Variants in GRHL1 observed in about 807,000 individuals in gnomAD.
GRHL1 encodes the protein grainyhead-like protein 1 homolog.
GRHL1 carries 38 observed loss-of-function variants against 75.7 expected under a neutral mutation model. The ratio of observed to expected loss-of-function variants is 0.50; its 90% CI spans 0.39 to 0.66. GRHL1 has a LOEUF of 0.66. Among genes scored for constraint, GRHL1 ranks in the 30% least tolerant of loss-of-function variants. The pLI, the probability that GRHL1 is intolerant of heterozygous loss-of-function variation, is 0.00. For synonymous variants in GRHL1, 266 were observed against 279.4 expected, an observed-to-expected ratio of 0.95 and a Z score of 0.48; for missense variants, 589 against 767.5, an observed-to-expected ratio of 0.77 and a Z score of 2.75.
At chr2:9,986,348 C>T (rs1668416962) in intron 9 of GRHL1, 66 bp downstream of exon 9, 8 of 1,095,148 alleles carry the variant, frequency 7.3e-6, no homozygotes, top group African/African-American at 1.6e-5. Flanking sequence ...ACCAGGGTCT[C>T]TTTAATATTT....
In GRHL1 at chr2:9,951,766, C is replaced by T. The variant is rs868784115; in HGVS notation, c.-68C>T. On this transcript the variant is annotated 5_prime_UTR_variant, in exon 1 of 16. Coordinates refer to ENST00000324907, the MANE Select transcript of GRHL1 (RefSeq NM_198182.3). The surrounding 1 kb of genome is among the most constrained non-coding windows in gnomAD (Gnocchi z 4.2). ...GCAGCCGCCGCCGCCGCCTCCTCCC[C>T]CCGGATCGGGTGTACTGTCCCAACC... 4.8e-6 allele frequency: 7 copies of T among 1,447,770 alleles called. No homozygotes were observed. In the South Asian group the frequency reaches 7.5e-5, roughly 16 times the overall value. 89.7% of individuals were successfully genotyped at this position (1,447,770 alleles called of 1,614,324 possible).
At chr2:9,980,517 TA>T (rs1668152989) in intron 8 of GRHL1, among the ~76,000 whole-genome samples, 1 of 152,216 alleles carries the variant, frequency 6.6e-6, no homozygotes, top group Non-Finnish European at 1.5e-5. Flanking sequence ...GCTAGACATT[TA>T]AAAAGGAATC....
chr2:9,975,068 T>C (rs1217851399), intron 8 of GRHL1, among the ~76,000 whole-genome samples: 1 of 152,124 alleles, frequency 6.6e-6, no homozygotes, highest in Non-Finnish European at 1.5e-5. Flanking sequence ...CTGTTGTGAA[T>C]GTAAGTGGAA....
At chr2:9,986,091 T>C in intron 8 of GRHL1, 33 bp from the exon 9 acceptor site, 1 of 1,564,324 alleles carries the variant, frequency 6.4e-7, no homozygotes, top group Non-Finnish European at 8.7e-7. Flanking sequence ...ACTTGGTGCC[T>C]GTTGCTTATG....
intron 8 of GRHL1, among the ~76,000 whole-genome samples, chr2:9,974,037 A>G (rs1667843148): frequency 6.6e-6 from 1 of 152,176 alleles, no homozygotes; most frequent in African/African-American, 2.4e-5. Flanking sequence ...CTTTTCTCTA[A>G]GTTCATCTAC....
rs372422335 is a variant in GRHL1 at position 9,978,922 on chromosome 2, C to T, written c.1111-7202C>T. On this transcript the variant is annotated intron_variant, in intron 8 of 15. Transcript: ENST00000324907. ...AGGAGAATCACTTCAACCCGGGAGG[C>T]GGAGGTTTCAGTGAGCTGAGATCGC... Among the ~76,000 whole-genome samples, 47 of 151,712 alleles carry T rather than the reference C, an allele frequency of 3.1e-4. No homozygotes were observed. In the South Asian group the frequency reaches 7.7e-3, roughly 25 times the overall value.
intron 5 of GRHL1, 61 bp from the exon 6 acceptor site, chr2:9,963,822 TATG>T: frequency 9.2e-7 from 1 of 1,081,366 alleles, no homozygotes; most frequent in Non-Finnish European, 1.3e-6. Flanking sequence ...CTATTTATAA[TATG>T]ATGTATAGCA....
At chr2:9,954,511 G>C (rs944673495) in intron 1 of GRHL1, among the ~76,000 whole-genome samples, 1 of 152,146 alleles carries the variant, frequency 6.6e-6, no homozygotes. Flanking sequence ...TGTGATGAAC[G>C]GCACACGCTC....
At chr2:9,967,981 T>A (rs139673461) in intron 8 of GRHL1, among the ~76,000 whole-genome samples, 206 of 152,218 alleles carry the variant, frequency 1.4e-3, no homozygotes, top group Non-Finnish European at 2.6e-3. Context: ...AACATAAGGG[T>A]TTATTGGAGC....
Position 9,992,577 on chromosome 2 carries a change from G to A in GRHL1, c.1461+431G>A, listed in dbSNP as rs1668688973. On this transcript the variant is annotated intron_variant, in intron 11 of 15. Coordinates refer to ENST00000324907, the MANE Select transcript of GRHL1 (RefSeq NM_198182.3). The surrounding 1 kb of genome is among the most constrained non-coding windows in gnomAD (Gnocchi z 4.6). The stretch of plus-strand genomic sequence containing the variant: ...AGTTACTGAGCCGTCCTTGCCACGT[G>A]TAGTTACCAATGGCCATGTCTTGGC... Among the ~76,000 whole-genome samples the A allele has an allele frequency of 2.0e-5, 3 of 152,174 alleles. No individual in the cohort carries two copies. Among genetic ancestry groups the A allele is most frequent in the Admixed American group, 6.5e-5 (1 of 15,274 alleles).
chr2:9,974,791 C>T (rs138637995), intron 8 of GRHL1, among the ~76,000 whole-genome samples: 47 of 152,296 alleles, frequency 3.1e-4, no homozygotes, highest in African/African-American at 1.1e-3. Flanking sequence ...ATTCATTGAG[C>T]GAATTGTTCG....
intron 8 of GRHL1, among the ~76,000 whole-genome samples, chr2:9,977,172 G>A (rs1488481044): frequency 6.6e-6 from 1 of 152,182 alleles, no homozygotes; most frequent in East Asian, 1.9e-4. Context: ...TGGGGGCACT[G>A]TTATGTATTT....
intron 8 of GRHL1, among the ~76,000 whole-genome samples, chr2:9,979,649 G>GA (rs148681588): frequency 2.0e-5 from 3 of 150,868 alleles, no homozygotes; most frequent in African/African-American, 4.9e-5. Flanking sequence ...TTTCTCAGTG[G>GA]AAAAAAAAAT....
intron 2 of GRHL1, among the ~76,000 whole-genome samples, chr2:9,957,406 A>T (rs1236203221): frequency 1.4e-5 from 2 of 147,016 alleles, no homozygotes; most frequent in African/African-American, 2.6e-5. Context: ...TTAATACATG[A>T]AGCAGTATTT....
intron 14 of GRHL1, among the ~76,000 whole-genome samples, chr2:9,997,429 C>T (rs958334106): frequency 1.3e-5 from 2 of 152,172 alleles, no homozygotes; most frequent in African/African-American, 4.8e-5. Flanking sequence ...CTGCCCACAG[C>T]ACAGGCAGCG....
At chr2:9,956,921 A>G (rs1667052543) in intron 2 of GRHL1, among the ~76,000 whole-genome samples, 1 of 152,130 alleles carries the variant, frequency 6.6e-6, no homozygotes, top group African/African-American at 2.4e-5. Context: ...ATGTCTGTCC[A>G]TGAAGGGTGA....
rs759613101 is a variant in GRHL1 at position 10,000,578 on chromosome 2, TC to T, written c.1743-7del. The stretch of plus-strand genomic sequence containing the variant: ...GTGGCAGTGAAGTTGGTTGGTCTTG[TC>T]CCCCCCCATCCAGGATCCTGGTGAA... On this transcript the variant is annotated splice_polypyrimidine_tract_variant and intron_variant, in intron 15 of 15. Transcript: ENST00000324907. The T allele has an allele frequency of 8.6e-5, 131 of 1,520,686 alleles. No individual in the cohort carries two copies. Among genetic ancestry groups the T allele is most frequent in the African/African-American group, 1.2e-4 (9 of 72,786 alleles). 94.2% of individuals were successfully genotyped at this position (1,520,686 alleles called of 1,614,324 possible).
rs769327381 is a variant in GRHL1, at chr2:9,992,197, A to C, written c.1461+51A>C. ...GTTACCAGGAAGGAAGGCATGGCAAAAGGAAATTCTTTGGCATTATTCATG... is the reference window on the plus strand; with the variant it reads ...GTTACCAGGAAGGAAGGCATGGCAACAGGAAATTCTTTGGCATTATTCATG... On this transcript the variant is annotated intron_variant, in intron 11 of 15. Coordinates refer to ENST00000324907, the MANE Select transcript of GRHL1 (RefSeq NM_198182.3). The surrounding 1 kb of genome is among the most constrained non-coding windows in gnomAD (Gnocchi z 4.6). 15 of 1,569,442 alleles carry C rather than the reference A, an allele frequency of 9.6e-6. No homozygotes were observed. The highest frequency in any genetic ancestry group is 1.3e-5 in the Non-Finnish European group (15 of 1,150,424).
chr2:9,987,906 C>T lies in GRHL1; in HGVS notation c.1269+1624C>T, dbSNP rs533906046. 6.6e-6 allele frequency among the ~76,000 whole-genome samples: 1 copy of T among 152,226 alleles called. No homozygotes were observed. Among genetic ancestry groups the T allele is most frequent in the Non-Finnish European group, 1.5e-5 (1 of 68,016 alleles). Reference sequence around the variant, plus strand: ...AGGGGACGGGGGCAGTTCTTTTCATCCTATTAAGGGAGCTTGTCTTTTATT... The same window carrying T: ...AGGGGACGGGGGCAGTTCTTTTCATTCTATTAAGGGAGCTTGTCTTTTATT... On this transcript the variant is annotated intron_variant, in intron 9 of 15. Transcript: ENST00000324907. This position sits in a 1 kb window ranked among gnomAD's most constrained non-coding sequence, Gnocchi z 4.2.
Sources: gnomAD v4.1 joint callset for allele counts (sites outside exome capture counted in the v4.1 genomes callset) on GRCh38, gnomAD v4.1.1 for gene constraint, Gnocchi (gnomAD v3.1) non-coding constraint, MANE v1.5 for transcripts, NCBI Gene and HGNC (gene_info 2026-07-23, HGNC 2026-07-21) for gene names.